Variants in UTRN observed in about 807,000 individuals in gnomAD.
UTRN encodes the protein utrophin, also known as dystrophin-related protein 1.
A neutral mutation model predicts 463.9 loss-of-function variants in UTRN; 283 were observed. The observed-to-expected ratio is 0.61, with a 90% CI of 0.55 to 0.67. The LOEUF (loss-of-function observed/expected upper bound fraction) is 0.67. Among genes scored for constraint, UTRN ranks in the 30% least tolerant of loss-of-function variants. UTRN has a pLI of 0.00. For missense variants in UTRN, 3,922 were observed against 4,084.3 expected (o/e 0.96, Z 1.08); for synonymous variants, 1,442 against 1,431.5 (o/e 1.01, Z -0.17).
intron 53 of UTRN, among the ~76,000 whole-genome samples, chr6:144,703,303 A>G (rs556691617): frequency 3.4e-4 from 51 of 152,216 alleles, no homozygotes; most frequent in Admixed American, 8.5e-4. Context: ...GATGTTTGAC[A>G]TGTTAAGCTT....
At chr6:144,361,833 T>C (rs1779108435) in intron 2 of UTRN, among the ~76,000 whole-genome samples, 1 of 150,752 alleles carries the variant, frequency 6.6e-6, no homozygotes, top group Non-Finnish European at 1.5e-5. Context: ...CTTGAACTCC[T>C]GGGCTTAAGT....
At chr6:144,499,872 T>C (rs1240151135) in intron 34 of UTRN, among the ~76,000 whole-genome samples, 2 of 152,196 alleles carry the variant, frequency 1.3e-5, no homozygotes, top group Non-Finnish European at 2.9e-5. Context: ...GGTAATTGGT[T>C]TCCCATTCCT....
rs116368288 is a variant in UTRN, at chr6:144,551,318, C to T, written c.6928+236C>T. 2.3e-3 allele frequency among the ~76,000 whole-genome samples: 348 copies of T among 152,198 alleles called. 2 individuals carry two copies. The highest frequency in any genetic ancestry group is 8.1e-3 in the African/African-American group (337 of 41,538). On this transcript the variant is annotated intron_variant, in intron 48 of 74. Transcript: ENST00000367545. ...ATGAAGTCCTTAATTATTAACATCACGACTCTTAAGTAATTACTTACACAT... is the reference window on the plus strand; with the variant it reads ...ATGAAGTCCTTAATTATTAACATCATGACTCTTAAGTAATTACTTACACAT...
intron 11 of UTRN, 53 bp from the exon 12 acceptor site, chr6:144,438,692 A>G (rs1786826269): frequency 6.2e-7 from 1 of 1,603,638 alleles, no homozygotes; most frequent in Non-Finnish European, 8.5e-7. Flanking sequence ...TGTATATTTG[A>G]CTTTGCAAAG....
intron 50 of UTRN, among the ~76,000 whole-genome samples, chr6:144,561,264 TACAC>T (rs1163068252): frequency 2.0e-5 from 2 of 98,844 alleles, no homozygotes; most frequent in Non-Finnish European, 4.3e-5. Flanking sequence ...TATATATACA[TACAC>T]ACACACACGT....
chr6:144,780,420 T>G (rs1291508481), intron 60 of UTRN, among the ~76,000 whole-genome samples: 1 of 152,166 alleles, frequency 6.6e-6, no homozygotes, highest in African/African-American at 2.4e-5. Flanking sequence ...TAGTCTAATT[T>G]TTTTATGCTA....
Position 144,554,712 on chromosome 6 carries a change from A to G in UTRN, c.6953A>G (p.Asp2318Gly). ...GTGGAAAGGGTCAAGAACCAGTGGG[A>G]TGGCACCCAGCATGGCGTTGAGCTA... is the stretch of plus-strand genomic sequence containing the variant. Reference protein sequence around the residue: ...EKLERVKNQWDGTQHGVELRQ... With the variant: ...EKLERVKNQWGGTQHGVELRQ... Residue 2318 changes from aspartate (D) to glycine (G), a missense_variant, in exon 49 of 75, where the codon GAT (aspartate) becomes GGT (glycine). Asp to Gly is a moderately conservative substitution (Grantham distance 94, BLOSUM62 -1). Transcript: ENST00000367545. The G allele has an allele frequency of 1.9e-6, 3 of 1,613,848 alleles. No individual in the cohort carries two copies. Among genetic ancestry groups the G allele is most frequent in the Non-Finnish European group, 2.5e-6 (3 of 1,179,934 alleles).
chr6:144,381,848 T>A (rs528152540), intron 2 of UTRN, among the ~76,000 whole-genome samples: 2 of 152,328 alleles, frequency 1.3e-5, no homozygotes, highest in South Asian at 4.1e-4. Context: ...ATCAGCAGTG[T>A]GAAAGCAGAC....
At chr6:144,692,384 T>A (rs1269747577) in intron 52 of UTRN, among the ~76,000 whole-genome samples, 1 of 152,238 alleles carries the variant, frequency 6.6e-6, no homozygotes, top group Admixed American at 6.5e-5. Context: ...AATAGAATGA[T>A]TTATATTCCT....
chr6:144,602,554 A>G (rs1229499761), intron 51 of UTRN, among the ~76,000 whole-genome samples: 1 of 152,206 alleles, frequency 6.6e-6, no homozygotes, highest in Middle Eastern at 3.2e-3. Flanking sequence ...TAGTAAATAC[A>G]AGTGAGATAC....
In UTRN at chr6:144,836,608, G is replaced by T. The variant is rs551493467; in HGVS notation, c.10065+67G>T. ...CTGTCCACTGCCCTGGGAGATGATG[G>T]TCCAGGTGTCAGGAGAGGCAGAGAA... On this transcript the variant is annotated intron_variant, in intron 71 of 74. Coordinates refer to ENST00000367545, the MANE Select transcript of UTRN (RefSeq NM_007124.3). The T allele has an allele frequency of 1.5e-5, 24 of 1,585,602 alleles. 1 individual carries two copies. In the South Asian group the frequency reaches 2.7e-4, roughly 18 times the overall value.
In UTRN at chr6:144,486,000, T is replaced by C. The variant is rs1792405725; in HGVS notation, c.3822+481T>C. On this transcript the variant is annotated intron_variant, in intron 28 of 74. Transcript: ENST00000367545. Reference sequence around the variant, plus strand: ...CTTGTCTTCAAGCCTGGATTTGAACTCCTTGAGGCCAAGAAATGTACCCGA... The same window carrying C: ...CTTGTCTTCAAGCCTGGATTTGAACCCCTTGAGGCCAAGAAATGTACCCGA... Among the ~76,000 whole-genome samples the C allele has an allele frequency of 2.0e-5, 3 of 152,214 alleles. No homozygotes were observed. In the South Asian group the frequency reaches 6.2e-4, roughly 31 times the overall value.
chr6:144,706,225 CTT>C (rs59062596), intron 53 of UTRN, among the ~76,000 whole-genome samples: 1 of 144,292 alleles, frequency 6.9e-6, no homozygotes. Context: ...TTCAGGGCAG[CTT>C]TTTTTTTTTT....
intron 53 of UTRN, among the ~76,000 whole-genome samples, chr6:144,705,869 A>T (rs1785039723): frequency 6.6e-6 from 1 of 151,440 alleles, no homozygotes; most frequent in Non-Finnish European, 1.5e-5. Flanking sequence ...AAATTACGTT[A>T]CTATAAATAT....
At chr6:144,354,780 G>T (rs531774999) in intron 2 of UTRN, among the ~76,000 whole-genome samples, 1 of 152,036 alleles carries the variant, frequency 6.6e-6, no homozygotes, top group East Asian at 1.9e-4. Flanking sequence ...TTCCCTGCTT[G>T]GATTAAATTC....
At chr6:144,366,496 C>T (rs549397252) in intron 2 of UTRN, among the ~76,000 whole-genome samples, 2 of 152,134 alleles carry the variant, frequency 1.3e-5, no homozygotes, top group African/African-American at 4.8e-5. Context: ...TGAGAACATG[C>T]GGTATTTGAT....
chr6:144,687,720 G>C (rs1782908629), intron 52 of UTRN, among the ~76,000 whole-genome samples: 1 of 152,076 alleles, frequency 6.6e-6, no homozygotes, highest in Non-Finnish European at 1.5e-5. Context: ...TAAGTCTGCT[G>C]TTCATTCGAT....
At chr6:144,809,194 G>A (rs6939484) in intron 65 of UTRN, among the ~76,000 whole-genome samples, 2,717 of 152,226 alleles carry the variant, frequency 0.018, 43 homozygotes, top group African/African-American at 0.039. Flanking sequence ...TGAGAGAGAA[G>A]TGGATAGGGT....
intron 27 of UTRN, among the ~76,000 whole-genome samples, chr6:144,483,388 C>T (rs6570634): frequency 0.28 from 42,529 of 151,942 alleles, 6,398 homozygotes; most frequent in African/African-American, 0.38. Context: ...AATTGGGGGA[C>T]TAGAACCTCT....
Sources: allele counts gnomAD v4.1 joint callset (sites outside exome capture counted in the v4.1 genomes callset), GRCh38; gene constraint gnomAD v4.1.1; transcripts MANE v1.5; gene names NCBI Gene and HGNC (gene_info 2026-07-23, HGNC 2026-07-21).